Variants in PPP1R13B observed in about 807,000 individuals in gnomAD.
PPP1R13B encodes protein phosphatase 1 regulatory subunit 13B.
A neutral mutation model predicts 119.8 loss-of-function variants in PPP1R13B; 44 were observed. The ratio of observed to expected loss-of-function variants is 0.37; its 90% CI spans 0.29 to 0.47. PPP1R13B has a LOEUF of 0.47. Among genes scored for constraint, PPP1R13B ranks in the 20% least tolerant of loss-of-function variants. PPP1R13B has a pLI of 0.99. For synonymous variants in PPP1R13B, 542 were observed against 561.5 expected, an observed-to-expected ratio of 0.97 and a Z score of 0.49; for missense variants, 1,227 against 1,413.5, an observed-to-expected ratio of 0.87 and a Z score of 2.12.
intron 2 of PPP1R13B, among the ~76,000 whole-genome samples, chr14:103,794,333 T>G (rs1429519591): frequency 2.0e-5 from 3 of 151,488 alleles, no homozygotes; most frequent in African/African-American, 4.8e-5. Flanking sequence ...TTTTTGTTTT[T>G]TTTTTTTTTT....
intron 1 of PPP1R13B, chr14:103,846,690 G>C: frequency 2.2e-6 from 1 of 455,378 alleles, no homozygotes; most frequent in Non-Finnish European, 4.4e-6. Flanking sequence ...GCATCCTTAA[G>C]GGCAGGACAA....
At chr14:103,823,383 A>G (rs962964352) in intron 1 of PPP1R13B, among the ~76,000 whole-genome samples, 2 of 151,662 alleles carry the variant, frequency 1.3e-5, no homozygotes, top group Non-Finnish European at 2.9e-5. Context: ...TTGGCAGGCC[A>G]CTGCTCTCCC....
At chr14:103,737,344 C>T (rs374949355) in intron 15 of PPP1R13B, 174 of 188,254 alleles carry the variant, frequency 9.2e-4, no homozygotes, top group Non-Finnish European at 1.4e-3. Context: ...GTGGGCAGAT[C>T]GCTGGAGCCC....
Position 103,812,176 on chromosome 14 carries a change from T to C in PPP1R13B, c.10-14658A>G, listed in dbSNP as rs545632061. ...ACAGTCTCTGTCACCCAGGCTGGAA[T>C]GCAGTGGCGCAATCTCAGCTCACTG... On this transcript the variant is annotated intron_variant, in intron 1 of 16. Coordinates refer to ENST00000202556, the MANE Select transcript of PPP1R13B (RefSeq NM_015316.3). Among the ~76,000 whole-genome samples the C allele has an allele frequency of 1.4e-4, 19 of 140,590 alleles. No homozygotes were observed. In the South Asian group the frequency reaches 4.7e-3, roughly 35 times the overall value. 92.2% of individuals were successfully genotyped at this position (140,590 alleles called of 152,430 possible). A position where few individuals can be genotyped will look rare whatever the true frequency, so the allele number is the denominator to read the frequency against.
intron 1 of PPP1R13B, chr14:103,840,158 T>C (rs1263138927): frequency 6.6e-6 from 1 of 152,218 alleles, no homozygotes; most frequent in Non-Finnish European, 1.5e-5. Context: ...AGTGTCACAA[T>C]AGAATCTGAT....
chr14:103,776,648 G>A (rs1052357560), intron 4 of PPP1R13B, among the ~76,000 whole-genome samples: 5 of 152,108 alleles, frequency 3.3e-5, no homozygotes, highest in African/African-American at 4.8e-5. Context: ...CAAGGTGGGC[G>A]GATCACAAGG....
At chr14:103,782,731 CTTCATAT>C (rs1481399223) in intron 3 of PPP1R13B, among the ~76,000 whole-genome samples, 11 of 151,626 alleles carry the variant, frequency 7.3e-5, no homozygotes, top group Middle Eastern at 3.2e-3. Context: ...AGGTGAATAT[CTTCATAT>C]ATCCTAGGGC....
At chr14:103,824,196 C>T (rs2086482326) in intron 1 of PPP1R13B, among the ~76,000 whole-genome samples, 1 of 150,864 alleles carries the variant, frequency 6.6e-6, no homozygotes, top group Non-Finnish European at 1.5e-5. Flanking sequence ...CAGGTGCGTG[C>T]AACCACGCCC....
chr14:103,776,334 A>G (rs954189723), intron 4 of PPP1R13B, among the ~76,000 whole-genome samples: 1 of 152,206 alleles, frequency 6.6e-6, no homozygotes, highest in Admixed American at 6.5e-5. Flanking sequence ...ATTTAAGTAT[A>G]TGAGGTAGGG....
intron 1 of PPP1R13B, chr14:103,846,990 C>T (rs2087056525): frequency 8.5e-7 from 1 of 1,182,908 alleles, no homozygotes; most frequent in African/African-American, 1.6e-5. Context: ...ACCTGTGCCC[C>T]AGCGTCCGAC....
intron 2 of PPP1R13B, among the ~76,000 whole-genome samples, chr14:103,791,637 T>C (rs868173635): frequency 9.2e-5 from 14 of 152,086 alleles, no homozygotes; most frequent in Non-Finnish European, 1.6e-4. Context: ...AGGTGGAGAA[T>C]AGCTTGAACC....
chr14:103,799,069 G>A (rs2085831535), intron 1 of PPP1R13B, among the ~76,000 whole-genome samples: 1 of 152,094 alleles, frequency 6.6e-6, no homozygotes, highest in African/African-American at 2.4e-5. Flanking sequence ...TCGCGATCTT[G>A]GTTCACTGCA....
chr14:103,778,934 T>C, intron 3 of PPP1R13B, 113 bp from the exon 4 acceptor site: 1 of 831,776 alleles, frequency 1.2e-6, no homozygotes, highest in Non-Finnish European at 1.9e-6. Context: ...AATACCAGGC[T>C]GAGAAATTCA....
intron 1 of PPP1R13B, among the ~76,000 whole-genome samples, chr14:103,806,451 T>C (rs2086020283): frequency 6.6e-6 from 1 of 152,174 alleles, no homozygotes; most frequent in Non-Finnish European, 1.5e-5. Context: ...TGGTAGGTTA[T>C]GAGTAAATAG....
intron 1 of PPP1R13B, among the ~76,000 whole-genome samples, chr14:103,845,255 CAAGT>C (rs1366737544): frequency 6.6e-6 from 1 of 151,796 alleles, no homozygotes; most frequent in Non-Finnish European, 1.5e-5. Context: ...AAAATATTAC[CAAGT>C]AAGAATGGCA....
chr14:103,789,718 C>T (rs1020878026), intron 2 of PPP1R13B, among the ~76,000 whole-genome samples: 5 of 150,386 alleles, frequency 3.3e-5, no homozygotes, highest in African/African-American at 1.2e-4. Flanking sequence ...TTCACCATGT[C>T]GGCCAGGCTG....
intron 4 of PPP1R13B, among the ~76,000 whole-genome samples, chr14:103,759,611 C>T (rs2084757793): frequency 6.6e-6 from 1 of 151,932 alleles, no homozygotes; most frequent in South Asian, 2.1e-4. Flanking sequence ...CAGACTTAAA[C>T]ACTTTTTGAC....
intron 4 of PPP1R13B, among the ~76,000 whole-genome samples, chr14:103,772,695 CAG>C (rs1595752003): frequency 1.4e-5 from 2 of 146,548 alleles, no homozygotes; most frequent in Admixed American, 6.9e-5. Flanking sequence ...TTTTTTGAGA[CAG>C]AGTCTTACTC....
At position 103,753,371 on chromosome 14, in the gene PPP1R13B, C is replaced by T. The variant is rs566819310; in HGVS notation, c.632-175G>A. Among the ~76,000 whole-genome samples the T allele has an allele frequency of 2.6e-5, 4 of 152,180 alleles. No homozygotes were observed. The South Asian group carries it at 6.2e-4, about 24-fold the overall frequency. On this transcript the variant is annotated intron_variant, in intron 6 of 16. Coordinates refer to ENST00000202556, the MANE Select transcript of PPP1R13B (RefSeq NM_015316.3). ...CCTTTGGGACACATGTATCTGATTA[C>T]TCATAAAGCAAACAATTATATTTGC... is the stretch of plus-strand genomic sequence containing the variant.
Sources: allele counts gnomAD v4.1 joint callset (sites outside exome capture counted in the v4.1 genomes callset), GRCh38; gene constraint gnomAD v4.1.1; transcripts MANE v1.5; gene names NCBI Gene and HGNC (gene_info 2026-07-23, HGNC 2026-07-21).